Variants in ZFAND3 observed in about 807,000 individuals in gnomAD.
ZFAND3 encodes the protein zinc finger AN1-type containing 3, also known as AN1-type zinc finger protein 3.
ZFAND3 carries 10 observed loss-of-function variants against 29.6 expected under a neutral mutation model. The ratio of observed to expected loss-of-function variants is 0.34; its 90% confidence interval spans 0.21 to 0.57. The LOEUF (loss-of-function observed/expected upper bound fraction) is 0.57, where lower values mean the gene tolerates loss of function less well. ZFAND3 is among the 20% of genes least tolerant of loss of function. The pLI, the probability that ZFAND3 is intolerant of heterozygous loss-of-function variation, is 0.86. For missense variants in ZFAND3, 230 were observed against 304.5 expected (o/e 0.76, Z 1.82); for synonymous variants, 128 against 112.6 (o/e 1.14, Z -0.87).
chr6:38,093,900 GC>G (rs748917919), intron 4 of ZFAND3, among the ~76,000 whole-genome samples: 25 of 151,990 alleles, frequency 1.6e-4, no homozygotes, highest in Non-Finnish European at 3.2e-4. Context: ...GAACTATTTT[GC>G]CCCTACTAAA....
At chr6:37,968,269 G>A (rs112901903) in intron 2 of ZFAND3, among the ~76,000 whole-genome samples, 76 of 152,132 alleles carry the variant, frequency 5.0e-4, no homozygotes, top group African/African-American at 1.4e-3. Context: ...AGGCAAGAGG[G>A]CTAAGAATGG....
In ZFAND3 at chr6:37,939,492, C is replaced by A. The variant is rs562961486; in HGVS notation, c.112+9493C>A. On this transcript the variant is annotated intron_variant, in intron 2 of 5. Transcript: ENST00000287218. ...TTACATCTGCAGAAGCTTTTTTTCCCAAAATTATCACATTCACAGATTCTG... is the reference window on the plus strand; with the variant it reads ...TTACATCTGCAGAAGCTTTTTTTCCAAAAATTATCACATTCACAGATTCTG... Among the ~76,000 whole-genome samples, 15 of 152,110 alleles carry A rather than the reference C, an allele frequency of 9.9e-5. No homozygotes were observed. In the East Asian group the frequency reaches 2.9e-3, roughly 29 times the overall value.
intron 2 of ZFAND3, among the ~76,000 whole-genome samples, chr6:37,979,853 A>G (rs1320320353): frequency 6.6e-6 from 1 of 152,128 alleles, no homozygotes; most frequent in Non-Finnish European, 1.5e-5. Flanking sequence ...TATTTCCTCA[A>G]CTTACCACAT....
At chr6:37,994,715 T>A (rs1762820378) in intron 2 of ZFAND3, among the ~76,000 whole-genome samples, 2 of 152,222 alleles carry the variant, frequency 1.3e-5, no homozygotes, top group Admixed American at 6.5e-5. Context: ...TCTGGCTGGA[T>A]TAAGCAGTTT....
chr6:37,838,614 G>A (rs1264458719), intron 1 of ZFAND3, among the ~76,000 whole-genome samples: 1 of 152,136 alleles, frequency 6.6e-6, no homozygotes, highest in African/African-American at 2.4e-5. Flanking sequence ...CTTTGACTTA[G>A]CATAACGTTT....
At chr6:37,846,640 G>A (rs1418119708) in intron 1 of ZFAND3, among the ~76,000 whole-genome samples, 1 of 152,026 alleles carries the variant, frequency 6.6e-6, no homozygotes, top group Non-Finnish European at 1.5e-5. Context: ...TCTAGAAAGA[G>A]GTGGAGCTGG....
intron 1 of ZFAND3, among the ~76,000 whole-genome samples, chr6:37,867,641 TATA>T (rs1412706243): frequency 6.6e-6 from 1 of 152,160 alleles, no homozygotes; most frequent in Non-Finnish European, 1.5e-5. Context: ...GCTAATGAAA[TATA>T]ATAACTGTTT....
intron 2 of ZFAND3, among the ~76,000 whole-genome samples, chr6:38,013,184 A>C (rs1293717904): frequency 6.6e-6 from 1 of 152,120 alleles, no homozygotes; most frequent in Non-Finnish European, 1.5e-5. Flanking sequence ...GTATATACAA[A>C]ATTTATGTCC....
chr6:38,130,136 C>T (rs1427749564), intron 5 of ZFAND3, among the ~76,000 whole-genome samples: 1 of 151,950 alleles, frequency 6.6e-6, no homozygotes, highest in African/African-American at 2.4e-5. Flanking sequence ...TATTTGAGAG[C>T]TACTGATTTG....
chr6:37,860,041 T>C (rs1764454697), intron 1 of ZFAND3, among the ~76,000 whole-genome samples: 1 of 149,782 alleles, frequency 6.7e-6, no homozygotes, highest in African/African-American at 2.4e-5. Context: ...CCAGCTAATT[T>C]TTTTTTTTTT....
At chr6:38,082,029 G>A (rs548926579) in intron 3 of ZFAND3, among the ~76,000 whole-genome samples, 1 of 152,056 alleles carries the variant, frequency 6.6e-6, no homozygotes, top group East Asian at 1.9e-4. Flanking sequence ...CTTGCTCATC[G>A]TTCTGTGGAA....
chr6:37,913,187 A>G (rs1003977056), intron 1 of ZFAND3, among the ~76,000 whole-genome samples: 4 of 152,068 alleles, frequency 2.6e-5, no homozygotes, highest in African/African-American at 4.8e-5. Context: ...TGCTGCATCA[A>G]TTGCCTCTTT....
intron 2 of ZFAND3, among the ~76,000 whole-genome samples, chr6:37,979,557 A>G (rs1277747215): frequency 6.6e-6 from 1 of 152,176 alleles, no homozygotes; most frequent in African/African-American, 2.4e-5. Flanking sequence ...TACTTCCAAG[A>G]TAAAACCTTC....
chr6:38,079,125 T>A (rs1764609146), intron 3 of ZFAND3, among the ~76,000 whole-genome samples: 1 of 152,166 alleles, frequency 6.6e-6, no homozygotes, highest in Non-Finnish European at 1.5e-5. Context: ...GTGTAGAATA[T>A]ATGTGTGGTG....
chr6:37,985,326 C>T (rs967155073), intron 2 of ZFAND3, among the ~76,000 whole-genome samples: 2 of 152,114 alleles, frequency 1.3e-5, no homozygotes, highest in Non-Finnish European at 2.9e-5. Flanking sequence ...TGAAATAACT[C>T]AGTTTAACAA....
intron 2 of ZFAND3, among the ~76,000 whole-genome samples, chr6:38,005,172 T>A (rs1033486065): frequency 6.6e-6 from 1 of 152,206 alleles, no homozygotes; most frequent in African/African-American, 2.4e-5. Context: ...ATTTCTTTAG[T>A]GCCATTTCAA....
intron 2 of ZFAND3, among the ~76,000 whole-genome samples, chr6:37,942,254 A>G (rs1761823913): frequency 6.6e-6 from 1 of 150,642 alleles, no homozygotes; most frequent in East Asian, 1.9e-4. Context: ...AGCCATTATA[A>G]AAGATCATAT....
Position 38,154,213 on chromosome 6 carries a change from C to T in ZFAND3, c.*1824C>T, listed in dbSNP as rs1030118044. ...AGTGAGGCAGCCCCCCATAGGCTTC[C>T]GCCAAGCTCTGGTCCCGAAGAGGCT... On this transcript the variant is annotated 3_prime_UTR_variant, in exon 6 of 6. Coordinates refer to ENST00000287218, the MANE Select transcript of ZFAND3 (RefSeq NM_021943.3). The T allele has an allele frequency of 1.7e-5, 17 of 985,574 alleles. No individual in the cohort carries two copies. The highest frequency in any genetic ancestry group is 1.2e-4 in the African/African-American group (7 of 57,376). The allele number at this position is 985,574 out of a possible 1,614,324, so 61.1% of individuals were successfully genotyped here. A position where few individuals can be genotyped will look rare whatever the true frequency, so the allele number is the denominator to read the frequency against.
At chr6:38,133,537 C>T (rs11755824) in intron 5 of ZFAND3, among the ~76,000 whole-genome samples, 9,880 of 152,146 alleles carry the variant, frequency 0.065, 393 homozygotes, top group Non-Finnish European at 0.093. Flanking sequence ...ATCATGAGGT[C>T]AAGAGATCAA....
Sources: gnomAD v4.1 joint callset for allele counts (sites outside exome capture counted in the v4.1 genomes callset) on GRCh38, gnomAD v4.1.1 for gene constraint, MANE v1.5 for transcripts, NCBI Gene and HGNC (gene_info 2026-07-23, HGNC 2026-07-21) for gene names.